The following GPHN variants were observed in gnomAD, a reference collection of about 807,000 sequenced individuals.
The protein encoded by GPHN is gephyrin.
In GPHN, 17 loss-of-function variants were observed where a neutral mutation model predicts 95.5. The observed-to-expected ratio is 0.18, with a 90% CI of 0.12 to 0.27. The LOEUF (loss-of-function observed/expected upper bound fraction) is 0.27, where lower values mean the gene tolerates loss of function less well. Ranked by LOEUF, GPHN falls within the 10% of genes least tolerant of loss-of-function variation. The pLI, the probability that GPHN is intolerant of heterozygous loss-of-function variation, is 1.00. For synonymous variants in GPHN, 320 were observed against 322.5 expected, an observed-to-expected ratio of 0.99 and a Z score of 0.08; for missense variants, 660 against 978.1, an observed-to-expected ratio of 0.67 and a Z score of 4.34.
the GPHN span, chr14:67,337,506 G>A: frequency 7.4e-5 from 11 of 149,020 alleles, no homozygotes; most frequent in African/African-American, 2.3e-4. Context: ...GAATGAGTGA[G>A]ACTCTGTTTC....
intron 11 of GPHN, among the ~76,000 whole-genome samples, chr14:67,070,715 A>AAAATATATATATATATAT: frequency 1.2e-5 from 1 of 80,692 alleles, no homozygotes; most frequent in South Asian, 4.3e-4. Flanking sequence ...AAAAAAAAAA[A>AAAATATATATATATATAT]ATATATATAT....
the GPHN span, chr14:67,270,423 T>G: frequency 5.3e-5 from 8 of 152,204 alleles, no homozygotes; most frequent in East Asian, 1.9e-4. Context: ...TTTGAAGCTT[T>G]CTTTCTTTCT....
intron 4 of GPHN, among the ~76,000 whole-genome samples, chr14:66,871,656 C>G (rs1395087471): frequency 1.3e-5 from 2 of 152,122 alleles, no homozygotes; most frequent in African/African-American, 2.4e-5. Context: ...CCATCATTCT[C>G]AGCAAACTAA....
intron 4 of GPHN, among the ~76,000 whole-genome samples, chr14:66,868,553 C>T (rs536458812): frequency 3.3e-5 from 5 of 152,008 alleles, no homozygotes; most frequent in African/African-American, 7.2e-5. Context: ...GCCACCACGC[C>T]GGGCTAATTT....
At chr14:67,651,576 C>A in the GPHN span, 1 of 1,391,570 alleles carries the variant, frequency 7.2e-7, no homozygotes, top group South Asian at 1.4e-5. Flanking sequence ...GCTGGATACT[C>A]TGAGGCTGTA....
At chr14:67,659,939 T>C in the GPHN span, 22 of 1,609,172 alleles carry the variant, frequency 1.4e-5, no homozygotes, top group East Asian at 2.2e-5. Flanking sequence ...AGGCAGAAAG[T>C]AGTGAGCAGA....
the GPHN span, chr14:67,359,894 C>T: frequency 4.7e-6 from 3 of 640,300 alleles, no homozygotes; most frequent in Non-Finnish European, 8.1e-6. Context: ...AGGGGGAGGA[C>T]AGAACAGAGG....
At chr14:67,248,768 T>TA in the GPHN span, among the ~76,000 whole-genome samples, 14 of 152,200 alleles carry the variant, frequency 9.2e-5, no homozygotes, top group Admixed American at 1.3e-4. Context: ...ACTTTACTTA[T>TA]AAAAATAAGG....
At chr14:66,777,364 A>G (rs1416622843) in intron 3 of GPHN, among the ~76,000 whole-genome samples, 1 of 152,186 alleles carries the variant, frequency 6.6e-6, no homozygotes, top group South Asian at 2.1e-4. Context: ...CCAGGACCAG[A>G]TGGATTCACA....
intron 3 of GPHN, among the ~76,000 whole-genome samples, chr14:66,793,937 TATC>T (rs1331732703): frequency 1.3e-5 from 2 of 152,144 alleles, no homozygotes; most frequent in African/African-American, 4.8e-5. Flanking sequence ...ATATCATTAA[TATC>T]ATTAAATGTG....
At position 67,099,310 on chromosome 14, in the gene GPHN, C is replaced by T. The variant is rs185159833; in HGVS notation, c.1238-1546C>T. 7.2e-5 allele frequency among the ~76,000 whole-genome samples: 11 copies of T among 151,932 alleles called. 1 individual carries two copies. In the Middle Eastern group the frequency reaches 0.01, roughly 141 times the overall value. On this transcript the variant is annotated intron_variant, in intron 12 of 22. Coordinates refer to ENST00000478722, the MANE Select transcript of GPHN (RefSeq NM_020806.5). ...TTTTATTTTGTATTTTTAGTAGAGA[C>T]GAGGTTTCTCCATGTTGGTCAGGCT... is the stretch of plus-strand genomic sequence containing the variant.
At chr14:66,614,774 C>T (rs2062932978) in intron 1 of GPHN, among the ~76,000 whole-genome samples, 2 of 151,928 alleles carry the variant, frequency 1.3e-5, no homozygotes, top group Admixed American at 1.3e-4. Context: ...AAATGGGATA[C>T]ATATGCAGAA....
At chr14:67,052,679 A>G (rs1273798981) in intron 10 of GPHN, among the ~76,000 whole-genome samples, 1 of 152,158 alleles carries the variant, frequency 6.6e-6, no homozygotes, top group Non-Finnish European at 1.5e-5. Flanking sequence ...TACTCCTAAA[A>G]AGATTGCATA....
intron 2 of GPHN, among the ~76,000 whole-genome samples, chr14:66,706,228 C>T (rs2069069387): frequency 6.6e-6 from 1 of 152,148 alleles, no homozygotes; most frequent in Non-Finnish European, 1.5e-5. Flanking sequence ...TGAAAATGGT[C>T]ATACTACCCA....
At chr14:67,387,260 C>T in the GPHN span, 5 of 1,484,188 alleles carry the variant, frequency 3.4e-6, no homozygotes, top group Non-Finnish European at 4.6e-6. Context: ...CTTAACACTC[C>T]CATTCTCCAG....
chr14:67,020,923 A>G (rs1314470730), intron 9 of GPHN, among the ~76,000 whole-genome samples: 1 of 152,086 alleles, frequency 6.6e-6, no homozygotes, highest in African/African-American at 2.4e-5. Context: ...GAGTAAAGCC[A>G]GGGTAACATA....
the GPHN span, among the ~76,000 whole-genome samples, chr14:67,430,258 G>C: frequency 3.3e-5 from 5 of 152,144 alleles, no homozygotes; most frequent in Admixed American, 6.5e-5. Flanking sequence ...TGTATACTCA[G>C]GTTCATCTAT....
At chr14:66,826,550 T>C (rs1324532785) in intron 4 of GPHN, among the ~76,000 whole-genome samples, 1 of 152,206 alleles carries the variant, frequency 6.6e-6, no homozygotes, top group Non-Finnish European at 1.5e-5. Flanking sequence ...CCTACTTGAC[T>C]ACAAAGTCAG....
downstream of GPHN, among the ~76,000 whole-genome samples, chr14:67,184,432 C>T (rs1381039352): frequency 6.6e-6 from 1 of 151,958 alleles, no homozygotes; most frequent in Non-Finnish European, 1.5e-5. Flanking sequence ...AGCAATTGTG[C>T]AGGTGAGGGG....
Sources: gnomAD v4.1 joint callset for allele counts (sites outside exome capture counted in the v4.1 genomes callset) on GRCh38, gnomAD v4.1.1 for gene constraint, MANE v1.5 for transcripts, NCBI Gene and HGNC (gene_info 2026-07-23, HGNC 2026-07-21) for gene names.